The following NRXN3 variants were observed in gnomAD, a reference collection of about 807,000 sequenced individuals.
NRXN3 encodes neurexin III.
Under a neutral mutation model 137.6 loss-of-function variants are expected in NRXN3, and 32 were observed. The ratio of observed to expected loss-of-function variants is 0.23; its 90% confidence interval spans 0.18 to 0.31. NRXN3 has a LOEUF of 0.31. Ranked by LOEUF, NRXN3 falls within the 10% of genes least tolerant of loss-of-function variation. The probability of loss-of-function intolerance (pLI) is 1.00; values close to 1 mark genes in which losing one functional copy is unlikely to be tolerated. For missense variants in NRXN3, 1,574 were observed against 2,062.5 expected (o/e 0.76, Z 4.59); for synonymous variants, 798 against 784.5 (o/e 1.02, Z -0.29).
chr14:78,513,600 G>A (rs1471076687), intron 4 of NRXN3, among the ~76,000 whole-genome samples: 4 of 152,122 alleles, frequency 2.6e-5, no homozygotes, highest in Admixed American at 6.6e-5. Context: ...TACATGAGGA[G>A]TTAAGTAAAA....
chr14:79,178,188 T>C (rs2062550016), intron 15 of NRXN3, among the ~76,000 whole-genome samples: 1 of 152,214 alleles, frequency 6.6e-6, no homozygotes, highest in African/African-American at 2.4e-5. Context: ...GTTGCATTTG[T>C]CATACCCTCC....
intron 19 of NRXN3, among the ~76,000 whole-genome samples, chr14:79,785,642 C>G (rs1017425852): frequency 6.6e-6 from 1 of 152,034 alleles, no homozygotes; most frequent in Admixed American, 6.6e-5. Context: ...ACAGTTAGGC[C>G]AAACACTTAC....
chr14:79,517,175 C>G lies in NRXN3; in HGVS notation c.3444+49773C>G, dbSNP rs1365151396. Among the ~76,000 whole-genome samples the G allele has an allele frequency of 4.7e-5, 7 of 149,272 alleles. No individual in the cohort carries two copies. The South Asian group carries it at 1.3e-3, about 28-fold the overall frequency. ...GTCACACTTTTAGAAATTTGTCCAT[C>G]TGGTATGTGAAAATGGAATTTCAGT... On this transcript the variant is annotated intron_variant, in intron 16 of 20. Transcript: ENST00000335750.
chr14:78,818,047 TA>T (rs1323277055), intron 10 of NRXN3, among the ~76,000 whole-genome samples: 1 of 152,076 alleles, frequency 6.6e-6, no homozygotes, highest in African/African-American at 2.4e-5. Context: ...TTTATATTGT[TA>T]AATATCAGGT....
At chr14:78,222,482 A>G (rs1393163859) in intron 1 of NRXN3, among the ~76,000 whole-genome samples, 2 of 152,180 alleles carry the variant, frequency 1.3e-5, no homozygotes, top group Non-Finnish European at 2.9e-5. Context: ...TCCCTTCCGG[A>G]CTAACTGAGG....
At chr14:78,247,857 C>A (rs1474422889) in intron 2 of NRXN3, among the ~76,000 whole-genome samples, 2 of 152,128 alleles carry the variant, frequency 1.3e-5, no homozygotes, top group Non-Finnish European at 2.9e-5. Context: ...ACTGAACAAC[C>A]TTATGGTTGT....
chr14:78,252,192 G>C (rs1338665398), intron 2 of NRXN3, among the ~76,000 whole-genome samples: 1 of 149,958 alleles, frequency 6.7e-6, no homozygotes, highest in Non-Finnish European at 1.5e-5. Context: ...ACTGGTACCA[G>C]TAGCTTTTAA....
At chr14:79,056,803 T>C (rs1311227467) in intron 15 of NRXN3, among the ~76,000 whole-genome samples, 1 of 152,220 alleles carries the variant, frequency 6.6e-6, no homozygotes, top group Non-Finnish European at 1.5e-5. Context: ...AGGCAATAAG[T>C]ACTGGGACTA....
intron 4 of NRXN3, among the ~76,000 whole-genome samples, chr14:78,473,352 A>G (rs188207577): frequency 0.033 from 5,073 of 151,652 alleles, 93 homozygotes; most frequent in Middle Eastern, 0.055. Context: ...CAGTGAGCCA[A>G]GATCACACCA....
intron 4 of NRXN3, among the ~76,000 whole-genome samples, chr14:78,624,449 G>T (rs2097434776): frequency 6.6e-6 from 1 of 152,212 alleles, no homozygotes; most frequent in African/African-American, 2.4e-5. Context: ...AAAAAGTTGT[G>T]CAGTGAACAG....
intron 19 of NRXN3, among the ~76,000 whole-genome samples, chr14:79,709,814 G>GGAGAGA (rs1567967784): frequency 6.6e-6 from 1 of 151,982 alleles, no homozygotes; most frequent in Non-Finnish European, 1.5e-5. Context: ...AGACAGACAA[G>GGAGAGA]GAGAGAGGAA....
At chr14:79,027,174 G>A (rs981625866) in intron 15 of NRXN3, among the ~76,000 whole-genome samples, 9 of 149,902 alleles carry the variant, frequency 6.0e-5, no homozygotes, top group South Asian at 2.1e-4. Flanking sequence ...GTGTTAAAAA[G>A]CCATATATTC....
At chr14:79,763,714 C>T (rs2099046728) in intron 19 of NRXN3, among the ~76,000 whole-genome samples, 1 of 151,524 alleles carries the variant, frequency 6.6e-6, no homozygotes, top group African/African-American at 2.4e-5. Flanking sequence ...GTGGAAAGGA[C>T]AAGGGGTCTT....
intron 17 of NRXN3, among the ~76,000 whole-genome samples, chr14:79,672,549 A>G (rs1405501608): frequency 6.6e-6 from 1 of 152,086 alleles, no homozygotes; most frequent in Non-Finnish European, 1.5e-5. Flanking sequence ...ATCAGTAATA[A>G]CATACATTCT....
In NRXN3 at chr14:78,634,483, A is replaced by T. The variant is rs1407656575; in HGVS notation, c.758-10637A>T. ...TCAAATAACCAAAGAATCATTCAAG[A>T]TTTATTGGGCGGTTAGACGTTTTAT... On this transcript the variant is annotated intron_variant, in intron 4 of 20. Transcript: ENST00000335750. Among the ~76,000 whole-genome samples, 4 of 152,212 alleles carry T rather than the reference A, an allele frequency of 2.6e-5. No homozygotes were observed. The East Asian group carries it at 7.7e-4, about 29-fold the overall frequency.
chr14:78,666,088 A>AT (rs1260401004), intron 6 of NRXN3, among the ~76,000 whole-genome samples: 7 of 152,116 alleles, frequency 4.6e-5, no homozygotes, highest in East Asian at 3.9e-4. Flanking sequence ...ATATCTATAT[A>AT]TTTTTTCTTT....
intron 15 of NRXN3, among the ~76,000 whole-genome samples, chr14:79,441,793 A>C (rs1184898271): frequency 6.6e-6 from 1 of 151,774 alleles, no homozygotes; most frequent in East Asian, 1.9e-4. Flanking sequence ...GTGTGAAGTA[A>C]TCTTCAGCCA....
intron 15 of NRXN3, among the ~76,000 whole-genome samples, chr14:79,356,444 T>C (rs1220373390): frequency 6.6e-6 from 1 of 152,220 alleles, no homozygotes. Context: ...GCCATTGGTG[T>C]CATGTCTTCA....
At chr14:79,775,077 T>C (rs1021661868) in intron 19 of NRXN3, among the ~76,000 whole-genome samples, 17 of 152,118 alleles carry the variant, frequency 1.1e-4, no homozygotes, top group African/African-American at 3.9e-4. Flanking sequence ...AGAAGAAATA[T>C]ATAAAAGAGC....
Sources: gnomAD v4.1 joint callset for allele counts (sites outside exome capture counted in the v4.1 genomes callset) on GRCh38, gnomAD v4.1.1 for gene constraint, MANE v1.5 for transcripts, NCBI Gene and HGNC (gene_info 2026-07-23, HGNC 2026-07-21) for gene names.